NAA60: variants seen among roughly 807,000 people sequenced by gnomAD.
The protein encoded by NAA60 is N-alpha-acetyltransferase 60.
In NAA60, 8 loss-of-function variants were observed where a neutral mutation model predicts 26.1. That is an observed-to-expected ratio of 0.31 (90% CI 0.18 to 0.55). The LOEUF (loss-of-function observed/expected upper bound fraction) is 0.55, where lower values mean the gene tolerates loss of function less well. Among genes scored for constraint, NAA60 ranks in the 20% least tolerant of loss-of-function variants. The pLI is 0.93. For missense variants in NAA60, 290 were observed against 311.3 expected, an observed-to-expected ratio of 0.93 and a Z score of 0.51; for synonymous variants, 131 against 122.5, an observed-to-expected ratio of 1.07 and a Z score of -0.46.
At chr16:3,466,338 AC>A (rs764345307) in intron 2 of NAA60, among the ~76,000 whole-genome samples, 7 of 152,166 alleles carry the variant, frequency 4.6e-5, no homozygotes, top group Non-Finnish European at 8.8e-5. Context: ...GCTTCTTGTC[AC>A]CCGGCAAATG....
At chr16:3,455,176 C>G (rs987371095) in intron 2 of NAA60, among the ~76,000 whole-genome samples, 1 of 151,856 alleles carries the variant, frequency 6.6e-6, no homozygotes, top group Non-Finnish European at 1.5e-5. Context: ...CTCAGACTCC[C>G]GAATAGCTGG....
intron 2 of NAA60, among the ~76,000 whole-genome samples, chr16:3,465,253 C>T (rs1052476002): frequency 4.2e-5 from 6 of 142,840 alleles, no homozygotes; most frequent in African/African-American, 1.3e-4. Flanking sequence ...GGCGACAGAG[C>T]GAGACTCTGT....
intron 2 of NAA60, among the ~76,000 whole-genome samples, chr16:3,464,493 C>T (rs1479708700): frequency 1.3e-5 from 2 of 152,164 alleles, no homozygotes; most frequent in Non-Finnish European, 2.9e-5. Context: ...GCTGGGCTTT[C>T]TCCTTTTAAA....
Position 3,476,299 on chromosome 16 carries a change from C to T in NAA60, c.72C>T (p.Asp24=). The T allele has an allele frequency of 1.2e-6, 2 of 1,613,830 alleles. No homozygotes were observed. The highest frequency in any genetic ancestry group is 2.2e-5 in the South Asian group (2 of 91,074). Residue 24 remains aspartate (D), a synonymous_variant, in exon 3 of 8, where the codon GAC becomes GAT. Coordinates refer to ENST00000407558, the MANE Select transcript of NAA60 (RefSeq NM_001083601.3). ...GCCTCCTCTGCCACGATGACATAGA[C>T]ACTGTGAAGCACCTGTGTGGCGACT... The part of the protein sequence containing the change: ...SLRLLCHDDI[D]TVKHLCGDWF...
intron 2 of NAA60, among the ~76,000 whole-genome samples, chr16:3,454,897 TA>T (rs2034916010): frequency 6.6e-6 from 1 of 152,220 alleles, no homozygotes; most frequent in East Asian, 1.9e-4. Context: ...GAAGTTTTTT[TA>T]GTGTACAAAT....
chr16:3,454,514 G>T (rs893062863), intron 2 of NAA60, among the ~76,000 whole-genome samples: 11 of 152,224 alleles, frequency 7.2e-5, no homozygotes, highest in Middle Eastern at 3.4e-3. Context: ...AAACTTTATG[G>T]AACCAAAAAG....
chr16:3,472,614 TAGTAGAGAC>T (rs1405635389), intron 2 of NAA60, among the ~76,000 whole-genome samples: 1 of 152,102 alleles, frequency 6.6e-6, no homozygotes, highest in Non-Finnish European at 1.5e-5. Context: ...TTTGTATTTT[TAGTAGAGAC>T]AGGGTTTCAC....
chr16:3,456,011 AAG>A (rs2034976778), intron 2 of NAA60, among the ~76,000 whole-genome samples: 1 of 151,958 alleles, frequency 6.6e-6, no homozygotes, highest in South Asian at 2.1e-4. Flanking sequence ...TGCCCAAAAA[AAG>A]AGTAAAGTTT....
chr16:3,461,184 G>A (rs1466232211), intron 2 of NAA60, among the ~76,000 whole-genome samples: 4 of 152,184 alleles, frequency 2.6e-5, no homozygotes, highest in African/African-American at 4.8e-5. Context: ...AAAACCAAAC[G>A]GGCATATAAT....
At chr16:3,467,843 A>C (rs2035865226) in intron 2 of NAA60, 1 of 152,200 alleles carries the variant, frequency 6.6e-6, no homozygotes, top group Admixed American at 6.5e-5. Context: ...CAGGTTCTTG[A>C]CATCTTGAAC....
chr16:3,480,871 T>C (rs1466192008), intron 4 of NAA60, among the ~76,000 whole-genome samples: 1 of 152,182 alleles, frequency 6.6e-6, no homozygotes, highest in South Asian at 2.1e-4. Flanking sequence ...ATTGCACTTT[T>C]GCACTCCAGC....
At chr16:3,474,652 G>A (rs1036136053) in intron 2 of NAA60, among the ~76,000 whole-genome samples, 5 of 152,214 alleles carry the variant, frequency 3.3e-5, no homozygotes, top group Admixed American at 6.5e-5. Flanking sequence ...TAAAAGACGA[G>A]GTCTTTCCTG....
intron 2 of NAA60, 77 bp from the exon 3 acceptor site, chr16:3,476,145 G>C (rs1392184391): frequency 6.1e-6 from 7 of 1,139,304 alleles, no homozygotes; most frequent in Non-Finnish European, 6.3e-6. Context: ...GTGCTCTTCT[G>C]TCTCGCCTGC....
At chr16:3,469,736 C>T (rs1188335206) in intron 2 of NAA60, among the ~76,000 whole-genome samples, 3 of 152,248 alleles carry the variant, frequency 2.0e-5, no homozygotes, top group African/African-American at 4.8e-5. Flanking sequence ...CTGTGTCCTC[C>T]GGGTGGCCTG....
chr16:3,476,068 G>A (rs2036461759), intron 2 of NAA60, 154 bp from the exon 3 acceptor site: 1 of 598,626 alleles, frequency 1.7e-6, no homozygotes, highest in Non-Finnish European at 2.9e-6. Context: ...CCTCTTGGGA[G>A]GGCGATCGTG....
intron 2 of NAA60, 186 bp downstream of exon 2, chr16:3,448,726 ATTC>A: frequency 1.8e-6 from 1 of 556,448 alleles, no homozygotes. Flanking sequence ...AAATGAGTAT[ATTC>A]TTACGTTAGG....
At chr16:3,474,966 A>G (rs2036385756) in intron 2 of NAA60, among the ~76,000 whole-genome samples, 1 of 152,092 alleles carries the variant, frequency 6.6e-6, no homozygotes, top group South Asian at 2.1e-4. Flanking sequence ...TTATTTTTAG[A>G]GACAGGGTCT....
At chr16:3,473,151 T>A (rs1420701893) in intron 2 of NAA60, among the ~76,000 whole-genome samples, 1 of 152,176 alleles carries the variant, frequency 6.6e-6, no homozygotes, top group African/African-American at 2.4e-5. Context: ...TTCTTGAACC[T>A]CAGCCTCCTG....
chr16:3,449,315 G>A (rs922601100), intron 2 of NAA60, among the ~76,000 whole-genome samples: 8 of 152,084 alleles, frequency 5.3e-5, no homozygotes, highest in South Asian at 2.1e-4. Context: ...TCAGGAGATC[G>A]AGACCATCCT....
Sources: allele counts gnomAD v4.1 joint callset (sites outside exome capture counted in the v4.1 genomes callset), GRCh38; gene constraint gnomAD v4.1.1; transcripts MANE v1.5; gene names NCBI Gene and HGNC (gene_info 2026-07-23, HGNC 2026-07-21).